The following SCN2B variants were observed in gnomAD, a reference collection of about 807,000 sequenced individuals.
SCN2B encodes sodium channel regulatory subunit beta-2.
In SCN2B, 14 loss-of-function variants were observed where a neutral mutation model predicts 18.2. The ratio of observed to expected loss-of-function variants is 0.77; its 90% CI spans 0.51 to 1.21. The LOEUF (loss-of-function observed/expected upper bound fraction) is 1.21, where lower values mean the gene tolerates loss of function less well. Among genes scored for constraint, SCN2B ranks in the 50% most tolerant of loss-of-function variants. SCN2B has a pLI of 0.00. For synonymous variants in SCN2B, 115 were observed against 115.3 expected (o/e 1.00, Z 0.02); for missense variants, 262 against 286.9 (o/e 0.91, Z 0.63).
chr11:118,168,502 C>T lies in SCN2B; in HGVS notation c.237+83G>A, dbSNP rs1948404525. The T allele has an allele frequency of 6.3e-7, 1 of 1,578,872 alleles. No homozygotes were observed. The highest frequency in any genetic ancestry group is 1.4e-5 in the African/African-American group (1 of 73,932). ...GGTCCTCTGGGGCCCTAGCGCAGTG[C>T]CGGGGCCGGTGGTGGGACCAGGGGC... On this transcript the variant is annotated intron_variant, in intron 2 of 3. Transcript: ENST00000278947. This position sits in a 1 kb window ranked among gnomAD's most constrained non-coding sequence, Gnocchi z 4.7.
At position 118,168,197 on chromosome 11, in the gene SCN2B, C is replaced by T. The variant is rs1256643589; in HGVS notation, c.336G>A (p.Val112=). 6.2e-7 allele frequency: 1 copy of T among 1,614,202 alleles called. No individual in the cohort carries two copies. The highest frequency in any genetic ancestry group is 1.1e-5 in the South Asian group (1 of 91,084). ...CCTCCGGCTGCACGTTTCTCAGCAT[C>T]ACCGACACATCGTACTTGCTGGGGT... ...SGNPSKYDVS[V]MLRNVQPEDE... is the part of the protein sequence containing the mutation. The change falls in exon 3 of 4, where the codon GTG becomes GTA. Residue 112 remains valine (V), a synonymous_variant. Transcript: ENST00000278947. This position sits in a 1 kb window ranked among gnomAD's most constrained non-coding sequence, Gnocchi z 4.7.
chr11:118,174,873 A>C (rs1413147443), intron 1 of SCN2B, among the ~76,000 whole-genome samples: 1 of 152,160 alleles, frequency 6.6e-6, no homozygotes, highest in Admixed American at 6.5e-5. Flanking sequence ...GCCTCCTTAC[A>C]ACAGGCCACT....
At chr11:118,175,543 A>G (rs1232679995) in intron 1 of SCN2B, among the ~76,000 whole-genome samples, 14 of 152,098 alleles carry the variant, frequency 9.2e-5, no homozygotes, top group Admixed American at 9.2e-4. Flanking sequence ...CAAGAATGAA[A>G]CTCTACAAAG....
Position 118,163,967 on chromosome 11 carries a change from A to G in SCN2B, c.*2920T>C, listed in dbSNP as rs1271123114. 1 of 152,138 alleles carries G rather than the reference A, an allele frequency of 6.6e-6. No individual in the cohort carries two copies. Among genetic ancestry groups the G allele is most frequent in the Non-Finnish European group, 1.5e-5 (1 of 68,034 alleles). The allele number at this position is 152,138 out of a possible 1,614,324, so 9.4% of individuals were successfully genotyped here. On this transcript the variant is annotated 3_prime_UTR_variant, in exon 4 of 4. Coordinates refer to ENST00000278947, the MANE Select transcript of SCN2B (RefSeq NM_004588.5). The stretch of plus-strand genomic sequence containing the variant: ...AGGAGATTCTAAGAGGCTCCAGAAG[A>G]AAATGCATATGAGGGCTGAGCACCT...
chr11:118,168,812 C>T lies in SCN2B; in HGVS notation c.71-61G>A, dbSNP rs1052746646. On this transcript the variant is annotated intron_variant, in intron 1 of 3. Coordinates refer to ENST00000278947, the MANE Select transcript of SCN2B (RefSeq NM_004588.5). The surrounding 1 kb of genome is among the most constrained non-coding windows in gnomAD (Gnocchi z 4.7). ...CTGAAAGGGCTGGGGAGGGGCAAGC[C>T]CTCTGTGCCTGGGAGTGTTGGGGGA... The T allele has an allele frequency of 1.3e-6, 2 of 1,593,124 alleles. No homozygotes were observed. The highest frequency in any genetic ancestry group is 2.7e-5 in the African/African-American group (2 of 74,436).
At chr11:118,174,410 C>A (rs147891560) in intron 1 of SCN2B, among the ~76,000 whole-genome samples, 1 of 152,086 alleles carries the variant, frequency 6.6e-6, no homozygotes, top group African/African-American at 2.4e-5. Context: ...GGTTGCCCAC[C>A]TGCCCTTTCT....
chr11:118,166,980 T>A lies in SCN2B; in HGVS notation c.555A>T (p.Arg185Ser). The change falls in exon 4 of 4, where the codon AGA (arginine) becomes AGT (serine). Residue 185 changes from arginine (R) to serine (S), a missense_variant. Arg to Ser is a moderately radical substitution (Grantham distance 110). Coordinates refer to ENST00000278947, the MANE Select transcript of SCN2B (RefSeq NM_004588.5). ...CTGTGCTCAGCTTCTGCTCTTTTTT[T>A]CTCCTCACACACTTGACCACCATCA... Reference protein sequence around the residue: ...LVLMVVKCVRRKKEQKLSTDD... With the variant: ...LVLMVVKCVRSKKEQKLSTDD... 2 of 1,613,944 alleles carry A rather than the reference T, an allele frequency of 1.2e-6. No homozygotes were observed. Among genetic ancestry groups the A allele is most frequent in the Non-Finnish European group, 1.7e-6 (2 of 1,179,982 alleles).
Position 118,169,318 on chromosome 11 carries a change from A to C in SCN2B, c.71-567T>G, listed in dbSNP as rs188899787. Among the ~76,000 whole-genome samples, 44 of 152,316 alleles carry C rather than the reference A, an allele frequency of 2.9e-4. 1 individual carries two copies. The highest frequency in any genetic ancestry group is 2.4e-3 in the Admixed American group (37 of 15,306). On this transcript the variant is annotated intron_variant, in intron 1 of 3. Coordinates refer to ENST00000278947, the MANE Select transcript of SCN2B (RefSeq NM_004588.5). ...TGCCCCAGTTCTGTCACATGCCAGC[A>C]GAAGACCACAGACAAGGGGCTTCAC...
rs1948354461 is a variant in SCN2B, at chr11:118,163,925, C to T, written c.*2962G>A. The T allele has an allele frequency of 6.6e-6, 1 of 152,184 alleles. No homozygotes were observed. Among genetic ancestry groups the T allele is most frequent in the Non-Finnish European group, 1.5e-5 (1 of 68,048 alleles). 9.4% of individuals were successfully genotyped at this position (152,184 alleles called of 1,614,324 possible). The stretch of plus-strand genomic sequence containing the variant: ...AACTTCACCATCCTGGGGGAGGCAG[C>T]TCTATGAGTCCTCTGGAGGAGATTC... On this transcript the variant is annotated 3_prime_UTR_variant, in exon 4 of 4. Transcript: ENST00000278947.
chr11:118,168,841 G>A lies in SCN2B; in HGVS notation c.71-90C>T, dbSNP rs1315406717. On this transcript the variant is annotated intron_variant, in intron 1 of 3. Coordinates refer to ENST00000278947, the MANE Select transcript of SCN2B (RefSeq NM_004588.5). The surrounding 1 kb of genome is among the most constrained non-coding windows in gnomAD (Gnocchi z 4.7). Reference sequence around the variant, plus strand: ...TGTGCCTGGGAGTGTTGGGGGATGAGGCAGAGCAGAGCCACAGGGAGGGGA... The same window carrying A: ...TGTGCCTGGGAGTGTTGGGGGATGAAGCAGAGCAGAGCCACAGGGAGGGGA... The A allele has an allele frequency of 1.1e-5, 16 of 1,451,498 alleles. No homozygotes were observed. The highest frequency in any genetic ancestry group is 1.4e-5 in the Non-Finnish European group (14 of 1,035,188). 89.9% of individuals were successfully genotyped at this position (1,451,498 alleles called of 1,614,324 possible).
rs115003051 is a variant in SCN2B at position 118,169,996 on chromosome 11, A to G, written c.71-1245T>C. On this transcript the variant is annotated intron_variant, in intron 1 of 3. Transcript: ENST00000278947. ...CCAAGATGCTCTGCCCGTATCCTCA[A>G]GAACCTTATCTCAGAAGATTCCTTT... Among the ~76,000 whole-genome samples the G allele has an allele frequency of 2.9e-3, 443 of 152,354 alleles. 2 individuals carry two copies. Among genetic ancestry groups the G allele is most frequent in the African/African-American group, 0.01 (418 of 41,584 alleles).
rs1409532705 is a variant in SCN2B, at chr11:118,163,498, T to C, written c.*3389A>G. The C allele has an allele frequency of 2.0e-5, 3 of 152,682 alleles. No homozygotes were observed. Among genetic ancestry groups the C allele is most frequent in the African/African-American group, 4.8e-5 (2 of 41,456 alleles). The allele number at this position is 152,682 out of a possible 1,614,324, so 9.5% of individuals were successfully genotyped here. A position where few individuals can be genotyped will look rare whatever the true frequency, so the allele number is the denominator to read the frequency against. ...ACTGGAAATAACTGTGAAGAGTCCA[T>C]AGCTAGGGGGCAGATAGCTATTTCC... is the stretch of plus-strand genomic sequence containing the variant. On this transcript the variant is annotated 3_prime_UTR_variant, in exon 4 of 4. Coordinates refer to ENST00000278947, the MANE Select transcript of SCN2B (RefSeq NM_004588.5).
chr11:118,167,131 G>T (rs905178828), intron 3 of SCN2B, 45 bp from the exon 4 acceptor site: 24 of 1,584,754 alleles, frequency 1.5e-5, no homozygotes, highest in Middle Eastern at 1.7e-4. Context: ...TGGGAAAGGG[G>T]CCTCCCCCAT....
chr11:118,173,601 C>T (rs1380148288), intron 1 of SCN2B, among the ~76,000 whole-genome samples: 4 of 152,242 alleles, frequency 2.6e-5, no homozygotes, highest in African/African-American at 9.6e-5. Context: ...AAGCTCAGCA[C>T]AGTGCCTAGC....
chr11:118,172,511 C>G (rs1948437431), intron 1 of SCN2B, among the ~76,000 whole-genome samples: 1 of 152,056 alleles, frequency 6.6e-6, no homozygotes, highest in African/African-American at 2.4e-5. Flanking sequence ...CAACTCCAGG[C>G]AGGCCCGCCA....
chr11:118,172,240 C>T (rs1260265710), intron 1 of SCN2B, among the ~76,000 whole-genome samples: 2 of 152,252 alleles, frequency 1.3e-5, no homozygotes, highest in Admixed American at 6.5e-5. Flanking sequence ...ATGCTTACAA[C>T]GAGCCAGGCA....
rs370875921 is a variant in SCN2B, at chr11:118,167,135, C to A, written c.449-49G>T. 5.4e-5 allele frequency: 84 copies of A among 1,563,166 alleles called. No homozygotes were observed. In the South Asian group the frequency reaches 5.8e-4, roughly 11 times the overall value. On this transcript the variant is annotated intron_variant, in intron 3 of 3. Coordinates refer to ENST00000278947, the MANE Select transcript of SCN2B (RefSeq NM_004588.5). ...AGCACCAGGGCTGGGAAAGGGGCCT[C>A]CCCCATCACCCCACTACCCGTGGCA...
rs1240786690 is a variant in SCN2B at position 118,169,825 on chromosome 11, C to G, written c.71-1074G>C. On this transcript the variant is annotated intron_variant, in intron 1 of 3. Transcript: ENST00000278947. ...GAAAGGCCTGTCCCACTCCGACATT[C>G]TAAGCAGGACAGAGCCTACAGGGAG... Among the ~76,000 whole-genome samples the G allele has an allele frequency of 2.0e-5, 3 of 152,280 alleles. No individual in the cohort carries two copies. The East Asian group carries it at 5.8e-4, about 29-fold the overall frequency.
chr11:118,168,024 G>T lies in SCN2B; in HGVS notation c.448+61C>A. 6.9e-7 allele frequency: 1 copy of T among 1,442,016 alleles called. No individual in the cohort carries two copies. The highest frequency in any genetic ancestry group is 9.6e-7 in the Non-Finnish European group (1 of 1,038,932). The allele number at this position is 1,442,016 out of a possible 1,614,324, so 89.3% of individuals were successfully genotyped here. On this transcript the variant is annotated intron_variant, in intron 3 of 3. Transcript: ENST00000278947. This position sits in a 1 kb window ranked among gnomAD's most constrained non-coding sequence, Gnocchi z 4.7. ...CCTCCCCAAAGTGCCCTGAGCAAAT[G>T]CCGCAGAGAGTAGGTGGGTGGGAAA...
Sources: allele counts gnomAD v4.1 joint callset (sites outside exome capture counted in the v4.1 genomes callset), GRCh38; gene constraint gnomAD v4.1.1; non-coding constraint Gnocchi (gnomAD v3.1); transcripts MANE v1.5; gene names NCBI Gene and HGNC (gene_info 2026-07-23, HGNC 2026-07-21).